The following OPCML variants were observed in gnomAD, a reference collection of about 807,000 sequenced individuals.
OPCML encodes the protein opioid binding protein/cell adhesion molecule like, also known as opioid-binding protein/cell adhesion molecule.
A neutral mutation model predicts 37.8 loss-of-function variants in OPCML; 13 were observed. The ratio of observed to expected loss-of-function variants is 0.34; its 90% confidence interval spans 0.22 to 0.55. OPCML has a LOEUF of 0.55. OPCML is among the 20% of genes least tolerant of loss of function. OPCML has a pLI of 0.91. For synonymous variants in OPCML, 176 were observed against 168.8 expected (o/e 1.04, Z -0.33); for missense variants, 341 against 435.6 (o/e 0.78, Z 1.93).
In OPCML at chr11:133,134,677, G is replaced by A. The variant is rs116251698; in HGVS notation, c.62-191667C>T. On this transcript the variant is annotated intron_variant, in intron 1 of 7. Transcript: ENST00000524381. Reference sequence around the variant, plus strand: ...TGTCCGCTGTCTTCCTTGCTCCAAGGGAACTCTTGCGTGAACCCTGCAAAG... The same window carrying A: ...TGTCCGCTGTCTTCCTTGCTCCAAGAGAACTCTTGCGTGAACCCTGCAAAG... Among the ~76,000 whole-genome samples the A allele has an allele frequency of 1.6e-3, 240 of 152,234 alleles. 1 individual carries two copies. The highest frequency in any genetic ancestry group is 5.5e-3 in the African/African-American group (228 of 41,544).
At chr11:133,107,328 C>T (rs1449172195) in intron 1 of OPCML, among the ~76,000 whole-genome samples, 7 of 152,166 alleles carry the variant, frequency 4.6e-5, no homozygotes, top group South Asian at 2.1e-4. Flanking sequence ...ACTCTGATAA[C>T]GGGGAGGGAG....
chr11:133,150,805 C>T (rs1019445557), intron 1 of OPCML, among the ~76,000 whole-genome samples: 12 of 151,958 alleles, frequency 7.9e-5, no homozygotes, highest in Admixed American at 6.6e-4. Flanking sequence ...CTTCCAGCTC[C>T]GACACTGCAG....
chr11:133,239,177 C>T (rs1940633110), intron 1 of OPCML, among the ~76,000 whole-genome samples: 2 of 152,220 alleles, frequency 1.3e-5, no homozygotes, highest in African/African-American at 4.8e-5. Context: ...GAATTACCCG[C>T]TAACTTTGCA....
chr11:132,539,519 C>A (rs2096350118), intron 3 of OPCML, among the ~76,000 whole-genome samples: 1 of 151,742 alleles, frequency 6.6e-6, no homozygotes, highest in African/African-American at 2.4e-5. Context: ...CATGCTGCTG[C>A]TGCTGCTGCT....
intron 4 of OPCML, among the ~76,000 whole-genome samples, chr11:132,482,849 G>T (rs1375361899): frequency 6.6e-6 from 1 of 150,894 alleles, no homozygotes; most frequent in African/African-American, 2.4e-5. Flanking sequence ...TGCAGAAAAG[G>T]CCTTTGACAA....
chr11:132,783,684 T>C (rs1377631712), intron 2 of OPCML, among the ~76,000 whole-genome samples: 3 of 151,594 alleles, frequency 2.0e-5, no homozygotes, highest in Non-Finnish European at 4.4e-5. Flanking sequence ...CAGTAAGTCA[T>C]TTCCTAATAA....
At chr11:132,561,741 A>T (rs546927426) in intron 3 of OPCML, among the ~76,000 whole-genome samples, 6 of 152,362 alleles carry the variant, frequency 3.9e-5, no homozygotes, top group African/African-American at 1.4e-4. Flanking sequence ...TTAGAAAGAG[A>T]CATAACTGTT....
intron 1 of OPCML, chr11:133,003,638 A>G (rs1282008162): frequency 3.6e-5 from 35 of 984,922 alleles, no homozygotes; most frequent in Non-Finnish European, 1.1e-5. Context: ...ACAATATTCT[A>G]TTGTTTTGTG....
At chr11:132,706,317 C>G (rs1944033819) in intron 2 of OPCML, among the ~76,000 whole-genome samples, 1 of 152,156 alleles carries the variant, frequency 6.6e-6, no homozygotes, top group Non-Finnish European at 1.5e-5. Flanking sequence ...CAGATCATTT[C>G]TCTCTCTCAT....
intron 4 of OPCML, among the ~76,000 whole-genome samples, chr11:132,459,802 T>C: frequency 6.6e-6 from 1 of 152,172 alleles, no homozygotes; most frequent in African/African-American, 2.4e-5. Flanking sequence ...CTTTAGGCAC[T>C]GGGAACCTGT....
At chr11:132,554,880 T>TTG (rs2096391180) in intron 3 of OPCML, among the ~76,000 whole-genome samples, 1 of 139,504 alleles carries the variant, frequency 7.2e-6, no homozygotes, top group Non-Finnish European at 1.5e-5. Context: ...TTTTTTTTTT[T>TTG]TTTTTTTTTT....
chr11:132,505,073 T>C (rs770328572), intron 4 of OPCML, among the ~76,000 whole-genome samples: 1 of 151,990 alleles, frequency 6.6e-6, no homozygotes, highest in African/African-American at 2.4e-5. Flanking sequence ...GTATAACAGG[T>C]GGAAGCTAGA....
intron 1 of OPCML, among the ~76,000 whole-genome samples, chr11:133,426,730 C>G (rs550901000): frequency 2.0e-5 from 3 of 152,268 alleles, no homozygotes; most frequent in African/African-American, 4.8e-5. Context: ...TTAGATGCTC[C>G]CTGGTCTCTC....
intron 2 of OPCML, among the ~76,000 whole-genome samples, chr11:132,857,398 A>G (rs188450322): frequency 2.1e-3 from 320 of 152,366 alleles, no homozygotes; most frequent in African/African-American, 7.5e-3. Flanking sequence ...TTTTAATGTA[A>G]CAGAGGAAGA....
At chr11:132,823,934 C>T (rs1162860922) in intron 2 of OPCML, among the ~76,000 whole-genome samples, 1 of 152,154 alleles carries the variant, frequency 6.6e-6, no homozygotes, top group Non-Finnish European at 1.5e-5. Flanking sequence ...TGCCTGCTAC[C>T]TCACCGGTGG....
chr11:132,506,316 A>G (rs1407403975), intron 4 of OPCML, among the ~76,000 whole-genome samples: 1 of 152,192 alleles, frequency 6.6e-6, no homozygotes, highest in East Asian at 1.9e-4. Flanking sequence ...TATCACCTGA[A>G]GGAAGACATA....
chr11:133,106,692 C>T (rs1362045927), intron 1 of OPCML, among the ~76,000 whole-genome samples: 5 of 152,156 alleles, frequency 3.3e-5, no homozygotes, highest in Non-Finnish European at 7.3e-5. Context: ...TATCCAGGAC[C>T]AGACAATAGA....
chr11:133,099,348 C>T (rs1949051810), intron 1 of OPCML, among the ~76,000 whole-genome samples: 2 of 151,656 alleles, frequency 1.3e-5, no homozygotes, highest in South Asian at 4.2e-4. Context: ...CCGCAAGCTC[C>T]ACCTCCCAGG....
chr11:133,517,746 C>A (rs776663004), intron 1 of OPCML, among the ~76,000 whole-genome samples: 2 of 152,202 alleles, frequency 1.3e-5, no homozygotes, highest in African/African-American at 4.8e-5. Flanking sequence ...CACATCTCAG[C>A]AAGAACAAGG....
Sources: gnomAD v4.1 joint callset for allele counts (sites outside exome capture counted in the v4.1 genomes callset) on GRCh38, gnomAD v4.1.1 for gene constraint, MANE v1.5 for transcripts, NCBI Gene and HGNC (gene_info 2026-07-23, HGNC 2026-07-21) for gene names.